The following MMD2 variants were observed in gnomAD, a reference collection of about 807,000 sequenced individuals.
MMD2 encodes monocyte to macrophage differentiation associated 2, also known as monocyte to macrophage differentiation factor 2.
MMD2 carries 30 observed loss-of-function variants against 33.5 expected under a neutral mutation model. The ratio of observed to expected loss-of-function variants is 0.90; its 90% CI spans 0.67 to 1.22. The LOEUF (loss-of-function observed/expected upper bound fraction) is 1.22, where lower values mean the gene tolerates loss of function less well. MMD2 is among the 50% of genes most tolerant of loss of function. The pLI is 0.00. For synonymous variants in MMD2, 129 were observed against 123.0 expected (o/e 1.05, Z -0.32); for missense variants, 364 against 325.4 (o/e 1.12, Z -0.91).
intron 1 of MMD2, among the ~76,000 whole-genome samples, chr7:4,951,701 G>A (rs937850843): frequency 6.6e-5 from 10 of 152,088 alleles, no homozygotes; most frequent in African/African-American, 2.4e-4. Flanking sequence ...CTAGGCTCAG[G>A]TGATCCTCCC....
chr7:4,908,219 G>C (rs62451395), intron 6 of MMD2, among the ~76,000 whole-genome samples: 7,480 of 147,678 alleles, frequency 0.051, 272 homozygotes, highest in East Asian at 0.19. Context: ...TCAGTTCACT[G>C]CGACCTCCAC....
chr7:4,918,543 G>C (rs1235849991), intron 3 of MMD2, among the ~76,000 whole-genome samples: 1 of 148,844 alleles, frequency 6.7e-6, no homozygotes, highest in Non-Finnish European at 1.5e-5. Context: ...GAGTGCAGTG[G>C]CACTATCTAG....
rs559980760 is a variant in MMD2 at position 4,953,760 on chromosome 7, C to T, written c.47+5211G>A. Among the ~76,000 whole-genome samples, 31 of 152,256 alleles carry T rather than the reference C, an allele frequency of 2.0e-4. No individual in the cohort carries two copies. In the South Asian group the frequency reaches 5.0e-3, roughly 24 times the overall value. ...TGCTGGAATTAAAGGCGTGAGCCAC[C>T]GCACCCAGCCTCAGTCTCATTTTCA... On this transcript the variant is annotated intron_variant, in intron 1 of 6. Transcript: ENST00000401401.
intron 1 of MMD2, among the ~76,000 whole-genome samples, chr7:4,947,140 G>A (rs1393819121): frequency 6.6e-6 from 1 of 151,952 alleles, no homozygotes; most frequent in Admixed American, 6.6e-5. Context: ...CTCGGGAGGT[G>A]GAGTTTGCAG....
intron 1 of MMD2, among the ~76,000 whole-genome samples, chr7:4,938,353 A>G (rs58675250): frequency 0.2 from 30,857 of 151,778 alleles, 4,220 homozygotes; most frequent in African/African-American, 0.38. Flanking sequence ...GAAGTCCAGG[A>G]TCTAGGGACT....
At chr7:4,902,115 T>A (rs1008282030), downstream of MMD2, among the ~76,000 whole-genome samples, 3 of 152,124 alleles carry the variant, frequency 2.0e-5, no homozygotes, top group African/African-American at 7.2e-5. Context: ...CACAGCCGGC[T>A]AATTTTTTAT....
intron 1 of MMD2, among the ~76,000 whole-genome samples, chr7:4,933,043 T>C (rs1405035333): frequency 6.6e-6 from 1 of 151,976 alleles, no homozygotes; most frequent in Non-Finnish European, 1.5e-5. Context: ...AAAGAAACTG[T>C]ACTCTGAATG....
chr7:4,920,997 G>C (rs527582805), intron 2 of MMD2, among the ~76,000 whole-genome samples: 5 of 152,288 alleles, frequency 3.3e-5, no homozygotes, highest in African/African-American at 1.2e-4. Context: ...GATTATAGGC[G>C]TGAGCCACCA....
At chr7:4,893,566 A>G in the MMD2 span, among the ~76,000 whole-genome samples, 1 of 150,698 alleles carries the variant, frequency 6.6e-6, no homozygotes, top group African/African-American at 2.4e-5. Context: ...CAATTTTTGT[A>G]TTTTTAGTAC....
At chr7:4,922,577 T>C (rs900090852) in intron 2 of MMD2, among the ~76,000 whole-genome samples, 1 of 152,144 alleles carries the variant, frequency 6.6e-6, no homozygotes, top group African/African-American at 2.4e-5. Context: ...TTAAAATATA[T>C]ATACATTTTT....
chr7:4,893,897 T>C, the MMD2 span, among the ~76,000 whole-genome samples: 758 of 152,298 alleles, frequency 5.0e-3, 8 homozygotes, highest in African/African-American at 0.017. Flanking sequence ...AGTGTAAGCA[T>C]TGAGGACGAC....
chr7:4,926,930 G>C (rs920308377), intron 1 of MMD2, among the ~76,000 whole-genome samples: 7 of 151,794 alleles, frequency 4.6e-5, no homozygotes, highest in Non-Finnish European at 1.0e-4. Context: ...ATTTTTAGTA[G>C]AGACGGGGTT....
intron 2 of MMD2, among the ~76,000 whole-genome samples, chr7:4,921,224 C>G (rs557988844): frequency 2.0e-5 from 3 of 152,226 alleles, no homozygotes; most frequent in South Asian, 2.1e-4. Context: ...CCCATCATCA[C>G]CACTGATGTC....
At chr7:4,934,367 G>A (rs1176941357) in intron 1 of MMD2, among the ~76,000 whole-genome samples, 1 of 152,256 alleles carries the variant, frequency 6.6e-6, no homozygotes, top group African/African-American at 2.4e-5. Flanking sequence ...GACTCCCAGA[G>A]TGCTGGGTTA....
downstream of MMD2, among the ~76,000 whole-genome samples, chr7:4,905,717 T>C (rs749483461): frequency 1.3e-5 from 2 of 152,020 alleles, no homozygotes; most frequent in Non-Finnish European, 2.9e-5. The surrounding 1 kb of genome is among the most constrained non-coding windows in gnomAD (Gnocchi z 5.0). Context: ...CTGTCCCCAT[T>C]TGGGAACGAG....
At chr7:4,948,834 T>C (rs772259355) in intron 1 of MMD2, among the ~76,000 whole-genome samples, 3 of 152,182 alleles carry the variant, frequency 2.0e-5, no homozygotes, top group African/African-American at 4.8e-5. Context: ...TAAATTTCTA[T>C]GGTTTATAAG....
the MMD2 span, among the ~76,000 whole-genome samples, chr7:4,893,860 C>G: frequency 1.3e-5 from 2 of 152,116 alleles, no homozygotes; most frequent in Admixed American, 6.6e-5. Context: ...GTGGGAGTGT[C>G]TTTTAGCATG....
chr7:4,917,699 A>T (rs1785176727), intron 3 of MMD2, among the ~76,000 whole-genome samples: 1 of 151,846 alleles, frequency 6.6e-6, no homozygotes, highest in Non-Finnish European at 1.5e-5. Context: ...TCTCAAAAAA[A>T]AAATAAAAAA....
intron 4 of MMD2, among the ~76,000 whole-genome samples, chr7:4,911,820 G>C (rs922776351): frequency 7.2e-5 from 11 of 151,776 alleles, no homozygotes; most frequent in African/African-American, 2.7e-4. Flanking sequence ...GGCTAATTTT[G>C]TATTTTTAGT....
Sources: gnomAD v4.1 joint callset for allele counts (sites outside exome capture counted in the v4.1 genomes callset) on GRCh38, gnomAD v4.1.1 for gene constraint, Gnocchi (gnomAD v3.1) non-coding constraint, MANE v1.5 for transcripts, NCBI Gene and HGNC (gene_info 2026-07-23, HGNC 2026-07-21) for gene names.